Variants in TGFBR3 observed in about 807,000 individuals in gnomAD.
The protein encoded by TGFBR3 is transforming growth factor beta receptor 3.
Under a neutral mutation model 87.9 loss-of-function variants are expected in TGFBR3, and 46 were observed. That is an observed-to-expected ratio of 0.52 (90% CI 0.41 to 0.67). TGFBR3 has a LOEUF of 0.67. TGFBR3 is among the 30% of genes least tolerant of loss of function. The pLI, the probability that TGFBR3 is intolerant of heterozygous loss-of-function variation, is 0.00. For synonymous variants in TGFBR3, 381 were observed against 391.6 expected (o/e 0.97, Z 0.32); for missense variants, 866 against 1,041.9 (o/e 0.83, Z 2.32).
intron 2 of TGFBR3, among the ~76,000 whole-genome samples, chr1:91,821,187 A>G (rs2634039): frequency 0.99 from 150,953 of 152,050 alleles, 74,939 homozygotes; most frequent in Middle Eastern, 1. Flanking sequence ...AACATTAGCC[A>G]GGTATGGTGG....
intron 2 of TGFBR3, among the ~76,000 whole-genome samples, chr1:91,809,745 C>T (rs1486658089): frequency 6.6e-6 from 1 of 152,126 alleles, no homozygotes; most frequent in African/African-American, 2.4e-5. Context: ...ATATAGGTCC[C>T]AATTATAAGA....
At chr1:91,720,617 T>C (rs1365724870) in intron 8 of TGFBR3, among the ~76,000 whole-genome samples, 5 of 152,222 alleles carry the variant, frequency 3.3e-5, no homozygotes, top group Non-Finnish European at 5.9e-5. Flanking sequence ...TGGTACCCAA[T>C]CATTAATATG....
At chr1:91,750,476 TTCATGAGAGGA>T (rs1207438583) in intron 4 of TGFBR3, among the ~76,000 whole-genome samples, 2 of 152,032 alleles carry the variant, frequency 1.3e-5, no homozygotes, top group African/African-American at 4.8e-5. Context: ...CTGACCCTAG[TTCATGAGAGGA>T]TCAAGACCCA....
rs17878272 is a variant in TGFBR3 at position 91,772,254 on chromosome 1, T to C, written c.247-13504A>G. On this transcript the variant is annotated intron_variant, in intron 3 of 16. Coordinates refer to ENST00000212355, the MANE Select transcript of TGFBR3 (RefSeq NM_003243.5). The stretch of plus-strand genomic sequence containing the variant: ...CACTTAGTTAACCACATTACTGCAC[T>C]GATTCACTAAATGAACTTCCATTAC... Among the ~76,000 whole-genome samples, 840 of 152,318 alleles carry C rather than the reference T, an allele frequency of 5.5e-3. 7 individuals carry two copies. Among genetic ancestry groups the C allele is most frequent in the African/African-American group, 0.019 (810 of 41,562 alleles).
At chr1:91,830,809 T>A (rs980490667) in intron 2 of TGFBR3, among the ~76,000 whole-genome samples, 4 of 152,042 alleles carry the variant, frequency 2.6e-5, no homozygotes, top group Non-Finnish European at 5.9e-5. Context: ...GGTCAGAGCT[T>A]GGTGCAAAAG....
chr1:91,796,200 T>C (rs1675374681), intron 3 of TGFBR3, among the ~76,000 whole-genome samples: 1 of 152,212 alleles, frequency 6.6e-6, no homozygotes, highest in Admixed American at 6.5e-5. Context: ...CTGTGTTATC[T>C]TGTTGGGAAA....
intron 4 of TGFBR3, among the ~76,000 whole-genome samples, chr1:91,744,086 CTT>C (rs144888223): frequency 0.48 from 65,427 of 135,806 alleles, 14,988 homozygotes; most frequent in Admixed American, 0.52. Context: ...ATTTTACTTA[CTT>C]TTTTTTTTTT....
intron 1 of TGFBR3, among the ~76,000 whole-genome samples, chr1:91,884,710 G>C (rs1352196399): frequency 1.3e-5 from 2 of 152,256 alleles, no homozygotes; most frequent in African/African-American, 4.8e-5. Flanking sequence ...GAGATGCTGT[G>C]AGGATTAAGT....
intron 1 of TGFBR3, among the ~76,000 whole-genome samples, chr1:91,877,727 G>T (rs1316003888): frequency 6.6e-6 from 1 of 152,140 alleles, no homozygotes; most frequent in Non-Finnish European, 1.5e-5. Flanking sequence ...ACATCCAATG[G>T]CTGTACAGCT....
chr1:91,700,466 G>C (rs1257437969), intron 14 of TGFBR3, among the ~76,000 whole-genome samples: 2 of 152,140 alleles, frequency 1.3e-5, no homozygotes, highest in Non-Finnish European at 2.9e-5. Flanking sequence ...TCAACATTCT[G>C]GCCACATGAG....
At chr1:91,850,772 C>A (rs1331427009) in intron 2 of TGFBR3, among the ~76,000 whole-genome samples, 2 of 142,588 alleles carry the variant, frequency 1.4e-5, no homozygotes, top group African/African-American at 5.4e-5. Context: ...CAGAGCAAGA[C>A]CCTGTCTCAA....
chr1:91,875,062 T>C (rs1557756905), intron 1 of TGFBR3, among the ~76,000 whole-genome samples: 1 of 152,174 alleles, frequency 6.6e-6, no homozygotes. Flanking sequence ...ATAACTGAAG[T>C]GGGCTGAAAT....
chr1:91,860,802 G>T (rs1414219385), intron 2 of TGFBR3, among the ~76,000 whole-genome samples: 1 of 151,616 alleles, frequency 6.6e-6, no homozygotes, highest in East Asian at 1.9e-4. Context: ...TGTAGTGGCA[G>T]GCATCTGCAG....
chr1:91,698,288 G>A (rs567482849), intron 14 of TGFBR3, among the ~76,000 whole-genome samples, 158 bp from the exon 15 acceptor site: 1 of 152,234 alleles, frequency 6.6e-6, no homozygotes, highest in South Asian at 2.1e-4. Flanking sequence ...AAACTATAAT[G>A]AGTTACCCAG....
At chr1:91,709,888 A>C (rs1230033224) in intron 13 of TGFBR3, among the ~76,000 whole-genome samples, 1 of 152,038 alleles carries the variant, frequency 6.6e-6, no homozygotes, top group Non-Finnish European at 1.5e-5. Flanking sequence ...CAGCCTCCCC[A>C]GTAGCTGGGA....
At chr1:91,854,177 G>C (rs950472686) in intron 2 of TGFBR3, among the ~76,000 whole-genome samples, 3 of 152,188 alleles carry the variant, frequency 2.0e-5, no homozygotes, top group African/African-American at 7.2e-5. Context: ...GGTGACTATA[G>C]TTAATAACAA....
At chr1:91,713,846 C>T (rs11165310) in intron 12 of TGFBR3, among the ~76,000 whole-genome samples, 56,860 of 151,656 alleles carry the variant, frequency 0.37, 11,051 homozygotes, top group Non-Finnish European at 0.44. Flanking sequence ...TAAAAACTGC[C>T]GTTTAACATG....
intron 4 of TGFBR3, among the ~76,000 whole-genome samples, chr1:91,753,390 CAAAAAAAAAAAAAAA>C (rs71586711): frequency 3.8e-5 from 2 of 52,354 alleles, no homozygotes; most frequent in Non-Finnish European, 6.3e-5. Context: ...ACTCTGTCCT[CAAAAAAAAAAAAAAA>C]AAAAAAAAAA....
intron 2 of TGFBR3, among the ~76,000 whole-genome samples, chr1:91,831,866 A>G (rs1276853485): frequency 6.6e-6 from 1 of 152,260 alleles, no homozygotes; most frequent in African/African-American, 2.4e-5. Flanking sequence ...AGCAGAGGGA[A>G]AAAAGCATGT....
Sources: allele counts gnomAD v4.1 joint callset (sites outside exome capture counted in the v4.1 genomes callset), GRCh38; gene constraint gnomAD v4.1.1; transcripts MANE v1.5; gene names NCBI Gene and HGNC (gene_info 2026-07-23, HGNC 2026-07-21).